Variants in SEC62 observed in about 807,000 individuals in gnomAD.
SEC62 encodes SEC62 preprotein translocation factor, also known as translocation protein SEC62.
A neutral mutation model predicts 47.5 loss-of-function variants in SEC62; 10 were observed. The observed-to-expected ratio is 0.21, with a 90% confidence interval of 0.13 to 0.36. The LOEUF (loss-of-function observed/expected upper bound fraction) is 0.36. SEC62 is among the 10% of genes least tolerant of loss of function. The pLI is 1.00. For synonymous variants in SEC62, 136 were observed against 150.5 expected, an observed-to-expected ratio of 0.90 and a Z score of 0.71; for missense variants, 327 against 464.1, an observed-to-expected ratio of 0.70 and a Z score of 2.71.
intron 5 of SEC62, among the ~76,000 whole-genome samples, chr3:169,984,718 G>T (rs547023672): frequency 1.3e-5 from 2 of 152,240 alleles, no homozygotes; most frequent in East Asian, 3.9e-4. Flanking sequence ...CCAAGGAAAT[G>T]GGCAGAGTAA....
In SEC62 at chr3:169,988,496, A is replaced by C. The variant is rs1000075558; in HGVS notation, c.730+137A>C. 9.4e-6 allele frequency: 9 copies of C among 954,502 alleles called. No individual in the cohort carries two copies. In the Admixed American group the frequency reaches 2.1e-4, roughly 23 times the overall value. The allele number at this position is 954,502 out of a possible 1,614,324, so 59.1% of individuals were successfully genotyped here. On this transcript the variant is annotated intron_variant, in intron 7 of 7. Coordinates refer to ENST00000337002, the MANE Select transcript of SEC62 (RefSeq NM_003262.4). Reference sequence around the variant, plus strand: ...ATATATGGTACTACTTTCTGAGTCAAATCTCAAAACTCAGGCTTGGTAAGA... The same window carrying C: ...ATATATGGTACTACTTTCTGAGTCACATCTCAAAACTCAGGCTTGGTAAGA...
intron 5 of SEC62, 32 bp from the exon 6 acceptor site, chr3:169,985,773 T>C (rs1715091301): frequency 1.3e-6 from 2 of 1,583,244 alleles, no homozygotes; most frequent in South Asian, 1.2e-5. Flanking sequence ...ACATTAGAAC[T>C]TTTAAGCACC....
Position 169,994,223 on chromosome 3 carries a change from G to T in SEC62, c.*1160G>T, listed in dbSNP as rs577554996. ...TTGCTTTGAACTAGTTTTGCAGTTT[G>T]ACTTTACGTCTTATACATCTTAGTT... is the stretch of plus-strand genomic sequence containing the variant. On this transcript the variant is annotated 3_prime_UTR_variant, in exon 8 of 8. Coordinates refer to ENST00000337002, the MANE Select transcript of SEC62 (RefSeq NM_003262.4). 48 of 152,676 alleles carry T rather than the reference G, an allele frequency of 3.1e-4. No individual in the cohort carries two copies. Among genetic ancestry groups the T allele is most frequent in the African/African-American group, 1.1e-3 (46 of 41,548 alleles). 9.5% of individuals were successfully genotyped at this position (152,676 alleles called of 1,614,324 possible).
chr3:169,978,940 A>G (rs1714907903), intron 3 of SEC62, among the ~76,000 whole-genome samples: 1 of 152,172 alleles, frequency 6.6e-6, no homozygotes, highest in African/African-American at 2.4e-5. Flanking sequence ...CTACCGCTCT[A>G]TACTGTCTCC....
Position 169,992,432 on chromosome 3 carries a change from G to C in SEC62, c.731-162G>C, listed in dbSNP as rs2108289498. 6.6e-6 allele frequency among the ~76,000 whole-genome samples: 1 copy of C among 152,232 alleles called. No homozygotes were observed. The highest frequency in any genetic ancestry group is 2.1e-4 in the South Asian group (1 of 4,824). On this transcript the variant is annotated intron_variant, in intron 7 of 7. Transcript: ENST00000337002. The surrounding 1 kb of genome is among the most constrained non-coding windows in gnomAD (Gnocchi z 4.0). The stretch of plus-strand genomic sequence containing the variant: ...TCCTCCCAAGTAGCTTGGATTAGAG[G>C]TTTAGCCACCACGCCCAGCACTAAT...
chr3:169,993,051 T>G lies in SEC62; in HGVS notation c.1188T>G (p.His396Gln), dbSNP rs180829030. The change falls in exon 8 of 8, where the codon CAT (histidine) becomes CAG (glutamine). Residue 396 changes from histidine (H) to glutamine (Q), a missense_variant. Physicochemically the swap from His to Gln is conservative, Grantham distance 24. Transcript: ENST00000337002. ...ENDGETPKSS[H>Q]EKS is the part of the protein sequence containing the mutation. ...ATGGAGAAACACCTAAATCTTCACA[T>G]GAAAAATCATAATCTGACTAATTTT... The G allele has an allele frequency of 7.2e-4, 1,145 of 1,596,756 alleles. 15 individuals carry two copies. In the East Asian group the frequency reaches 0.023, roughly 31 times the overall value.
chr3:169,983,275 G>T, intron 5 of SEC62, 22 bp downstream of exon 5: 1 of 1,536,460 alleles, frequency 6.5e-7, no homozygotes, highest in South Asian at 1.2e-5. Flanking sequence ...CCTATAACTA[G>T]AAGTTCAGTT....
At chr3:169,984,126 A>G (rs1334778753) in intron 5 of SEC62, among the ~76,000 whole-genome samples, 3 of 152,184 alleles carry the variant, frequency 2.0e-5, no homozygotes, top group Admixed American at 2.0e-4. Flanking sequence ...TACAATAGTA[A>G]CATCTATAAA....
intron 4 of SEC62, 95 bp downstream of exon 4, chr3:169,983,006 T>C (rs1715019025): frequency 6.7e-7 from 1 of 1,494,966 alleles, no homozygotes; most frequent in Non-Finnish European, 9.0e-7. Context: ...ATGCAACACC[T>C]ACCTGAGATA....
At chr3:169,989,270 A>G in intron 7 of SEC62, among the ~76,000 whole-genome samples, 1 of 5,586 alleles carries the variant, frequency 1.8e-4, no homozygotes. Context: ...TTTGTGGGGG[A>G]GATAGGGTAT....
chr3:169,967,279 G>A (rs1714554946), intron 1 of SEC62, among the ~76,000 whole-genome samples: 1 of 152,186 alleles, frequency 6.6e-6, no homozygotes, highest in East Asian at 1.9e-4. Context: ...TTAAGGCCAC[G>A]GTAATAGGGG....
chr3:169,967,005 T>G, intron 1 of SEC62, 147 bp downstream of exon 1: 3 of 979,664 alleles, frequency 3.1e-6, no homozygotes, highest in Non-Finnish European at 3.0e-6. Context: ...GGCTGCAGGC[T>G]GCGCGTTGTG....
rs1270083046 is a variant in SEC62 at position 169,976,957 on chromosome 3, G to A, written c.157G>A (p.Val53Met). The A allele has an allele frequency of 1.9e-6, 3 of 1,603,082 alleles. No individual in the cohort carries two copies. Among genetic ancestry groups the A allele is most frequent in the Non-Finnish European group, 2.6e-6 (3 of 1,172,968 alleles). The stretch of plus-strand genomic sequence containing the variant: ...AATTTCTTCTTTAGCTTCAAAAGCA[G>A]TGGACTGTCTTTTGGATTCAAAGTG... Reference protein sequence around the residue: ...RVDYFIASKAVDCLLDSKWAK... With the variant: ...RVDYFIASKAMDCLLDSKWAK... Residue 53 changes from valine to methionine, a missense_variant, in exon 3 of 8, where the codon GTG becomes ATG. Transcript: ENST00000337002.
chr3:169,979,233 G>A (rs1017706550), intron 3 of SEC62, among the ~76,000 whole-genome samples: 2 of 152,130 alleles, frequency 1.3e-5, no homozygotes, highest in Non-Finnish European at 2.9e-5. Flanking sequence ...TAATATAACC[G>A]TAGAGTCTTA....
chr3:169,978,116 A>G (rs1379999582), intron 3 of SEC62, among the ~76,000 whole-genome samples: 2 of 152,118 alleles, frequency 1.3e-5, no homozygotes, highest in Middle Eastern at 3.2e-3. Flanking sequence ...CATCTCTACT[A>G]AAAATACAAA....
Position 169,976,997 on chromosome 3 carries a change from A to G in SEC62, c.197A>G (p.Lys66Arg). The change falls in exon 3 of 8, where the codon AAA (lysine) becomes AGA (arginine). Residue 66 changes from lysine (K) to arginine (R), a missense_variant. Coordinates refer to ENST00000337002, the MANE Select transcript of SEC62 (RefSeq NM_003262.4). ...LLDSKWAKAK[K>R]GEEALFTTRE... ...GATTCAAAGTGGGCAAAGGCCAAGA[A>G]AGGAGAGGAAGCTTTATTTACAACC... 1 of 1,611,432 alleles carries G rather than the reference A, an allele frequency of 6.2e-7. No individual in the cohort carries two copies. The highest frequency in any genetic ancestry group is 8.5e-7 in the Non-Finnish European group (1 of 1,178,204).
intron 7 of SEC62, among the ~76,000 whole-genome samples, chr3:169,989,100 ATTAT>A (rs1361016369): frequency 6.6e-6 from 1 of 150,934 alleles, no homozygotes; most frequent in Non-Finnish European, 1.5e-5. Flanking sequence ...TCTTTCATAG[ATTAT>A]TTGTTTAGAG....
In SEC62 at chr3:169,988,398, G is replaced by A. The variant is rs142654936; in HGVS notation, c.730+39G>A. Reference sequence around the variant, plus strand: ...TTATAAAATTGACCTCAAGAAGGTTGGTATTGAGCAGTTGGACTGTAATTT... The same window carrying A: ...TTATAAAATTGACCTCAAGAAGGTTAGTATTGAGCAGTTGGACTGTAATTT... On this transcript the variant is annotated intron_variant, in intron 7 of 7. Coordinates refer to ENST00000337002, the MANE Select transcript of SEC62 (RefSeq NM_003262.4). 1,296 of 1,605,528 alleles carry A rather than the reference G, an allele frequency of 8.1e-4. 12 individuals carry two copies. In the African/African-American group the frequency reaches 0.015, roughly 19 times the overall value.
intron 2 of SEC62, among the ~76,000 whole-genome samples, chr3:169,976,263 G>T (rs553092503): frequency 1.1e-4 from 16 of 152,224 alleles, no homozygotes; most frequent in African/African-American, 3.9e-4. Flanking sequence ...GATGGCATGC[G>T]CCTCTGAAGT....
Sources: gnomAD v4.1 joint callset for allele counts (sites outside exome capture counted in the v4.1 genomes callset) on GRCh38, gnomAD v4.1.1 for gene constraint, Gnocchi (gnomAD v3.1) non-coding constraint, MANE v1.5 for transcripts, NCBI Gene and HGNC (gene_info 2026-07-23, HGNC 2026-07-21) for gene names.